The following NKAIN2 variants were observed in gnomAD, a reference collection of about 807,000 sequenced individuals.
NKAIN2 encodes sodium/potassium-transporting ATPase subunit beta-1-interacting protein 2.
Under a neutral mutation model 32.6 loss-of-function variants are expected in NKAIN2, and 14 were observed. The ratio of observed to expected loss-of-function variants is 0.43; its 90% CI spans 0.28 to 0.67. The LOEUF is 0.67. Among genes scored for constraint, NKAIN2 ranks in the 30% least tolerant of loss-of-function variants. NKAIN2 has a pLI of 0.17. For synonymous variants in NKAIN2, 80 were observed against 87.2 expected (o/e 0.92, Z 0.46); for missense variants, 198 against 258.3 (o/e 0.77, Z 1.60).
At chr6:124,112,135 A>G (rs1209880339) in intron 1 of NKAIN2, among the ~76,000 whole-genome samples, 1 of 152,072 alleles carries the variant, frequency 6.6e-6, no homozygotes, top group Admixed American at 6.6e-5. Flanking sequence ...TTGTGTATAT[A>G]TTTACTTTTC....
At chr6:124,189,387 T>G (rs1789904150) in intron 1 of NKAIN2, among the ~76,000 whole-genome samples, 1 of 152,100 alleles carries the variant, frequency 6.6e-6, no homozygotes. Flanking sequence ...GCTAACTGTG[T>G]GATGTGGTTA....
chr6:124,350,686 A>G (rs1223156742), intron 2 of NKAIN2, among the ~76,000 whole-genome samples: 1 of 152,226 alleles, frequency 6.6e-6, no homozygotes, highest in Admixed American at 6.5e-5. Context: ...TATACAATTA[A>G]GTGAAAATAG....
chr6:124,065,213 T>TACAC (rs144681461), intron 1 of NKAIN2, among the ~76,000 whole-genome samples: 1,947 of 147,982 alleles, frequency 0.013, 16 homozygotes, highest in South Asian at 0.019. Flanking sequence ...ATCAGAAAAT[T>TACAC]ACACACACAC....
At chr6:124,056,726 G>A (rs866711782) in intron 1 of NKAIN2, among the ~76,000 whole-genome samples, 1 of 151,968 alleles carries the variant, frequency 6.6e-6, no homozygotes, top group East Asian at 1.9e-4. Flanking sequence ...TTGTGTTACT[G>A]TATATATTTT....
At chr6:124,708,422 T>G (rs2114593476) in intron 4 of NKAIN2, among the ~76,000 whole-genome samples, 1 of 152,070 alleles carries the variant, frequency 6.6e-6, no homozygotes, top group South Asian at 2.1e-4. Flanking sequence ...AATCTGTAAA[T>G]TACCTTGGGC....
intron 1 of NKAIN2, among the ~76,000 whole-genome samples, chr6:124,019,582 T>C (rs1002747207): frequency 5.3e-5 from 8 of 152,206 alleles, no homozygotes; most frequent in Non-Finnish European, 8.8e-5. Context: ...GGTCATCTTT[T>C]TCTGCCATTT....
At chr6:124,011,174 C>T (rs1485002034) in intron 1 of NKAIN2, among the ~76,000 whole-genome samples, 1 of 152,152 alleles carries the variant, frequency 6.6e-6, no homozygotes, top group African/African-American at 2.4e-5. Flanking sequence ...TATTAGTAAA[C>T]TCTTCCTTCT....
At chr6:124,286,672 G>C (rs1008103151) in intron 2 of NKAIN2, among the ~76,000 whole-genome samples, 2 of 101,900 alleles carry the variant, frequency 2.0e-5, no homozygotes, top group African/African-American at 5.7e-5. Context: ...GTGTGTGTGT[G>C]TGCGCGCGCG....
At chr6:123,916,821 C>CTATT (rs534188883) in intron 1 of NKAIN2, among the ~76,000 whole-genome samples, 1,582 of 33,654 alleles carry the variant, frequency 0.047, 14 homozygotes, top group Non-Finnish European at 0.061. Flanking sequence ...ATGTATCTAT[C>CTATT]TATCTATTTA....
At position 123,941,691 on chromosome 6, in the gene NKAIN2, C is replaced by T. The variant is rs372354522; in HGVS notation, c.54+137437C>T. 1.3e-4 allele frequency among the ~76,000 whole-genome samples: 20 copies of T among 152,100 alleles called. No individual in the cohort carries two copies. The East Asian group carries it at 3.7e-3, about 28-fold the overall frequency. On this transcript the variant is annotated intron_variant, in intron 1 of 6. Coordinates refer to ENST00000368417, the MANE Select transcript of NKAIN2 (RefSeq NM_001040214.3). The stretch of plus-strand genomic sequence containing the variant: ...AATTCATCTGCCCTGCTGTTACATG[C>T]ATAGCTTCCAGGAATAGCATTTCCA...
At chr6:124,591,865 TG>T (rs1781925785) in intron 3 of NKAIN2, among the ~76,000 whole-genome samples, 1 of 152,154 alleles carries the variant, frequency 6.6e-6, no homozygotes, top group Non-Finnish European at 1.5e-5. Flanking sequence ...AAGAAAATCT[TG>T]TCCTTAGAGG....
intron 4 of NKAIN2, among the ~76,000 whole-genome samples, chr6:124,666,137 C>G (rs79935678): frequency 6.6e-6 from 1 of 152,270 alleles, no homozygotes; most frequent in Admixed American, 6.5e-5. Flanking sequence ...GTACCAGAAA[C>G]ACAAACCTGC....
intron 3 of NKAIN2, among the ~76,000 whole-genome samples, chr6:124,362,710 C>T (rs1799341368): frequency 6.6e-6 from 1 of 151,824 alleles, no homozygotes; most frequent in Admixed American, 6.6e-5. Flanking sequence ...TTCAAAATGT[C>T]CAAAATGATT....
At chr6:124,469,657 A>G (rs539567338) in intron 3 of NKAIN2, among the ~76,000 whole-genome samples, 30 of 152,112 alleles carry the variant, frequency 2.0e-4, no homozygotes, top group African/African-American at 6.3e-4. Context: ...GAAAATTCAC[A>G]CTCCATCTAA....
chr6:124,215,994 T>G (rs1190407523), intron 1 of NKAIN2, among the ~76,000 whole-genome samples: 1 of 151,788 alleles, frequency 6.6e-6, no homozygotes, highest in Admixed American at 6.6e-5. Flanking sequence ...GACAAGCGCC[T>G]GTAATCCCAG....
At chr6:124,041,083 A>G (rs1413417685) in intron 1 of NKAIN2, among the ~76,000 whole-genome samples, 2 of 152,042 alleles carry the variant, frequency 1.3e-5, no homozygotes, top group Non-Finnish European at 2.9e-5. Flanking sequence ...TGCTTTAATA[A>G]GACCACATTT....
chr6:124,587,345 G>A (rs754975774), intron 3 of NKAIN2, among the ~76,000 whole-genome samples: 9 of 151,916 alleles, frequency 5.9e-5, no homozygotes, highest in Non-Finnish European at 1.2e-4. Flanking sequence ...TTCTCCTCCT[G>A]AGTAGCTGGA....
chr6:124,675,687 T>C (rs547017511), intron 4 of NKAIN2, among the ~76,000 whole-genome samples: 72 of 152,220 alleles, frequency 4.7e-4, no homozygotes, highest in African/African-American at 1.7e-3. Context: ...TCTATCACAT[T>C]CATAATGTCT....
intron 1 of NKAIN2, among the ~76,000 whole-genome samples, chr6:123,824,072 T>A (rs533669853): frequency 3.9e-5 from 6 of 152,164 alleles, no homozygotes; most frequent in Non-Finnish European, 5.9e-5. Context: ...CTAATAGAAT[T>A]TATCTGCATG....
Sources: gnomAD v4.1 joint callset for allele counts (sites outside exome capture counted in the v4.1 genomes callset) on GRCh38, gnomAD v4.1.1 for gene constraint, MANE v1.5 for transcripts, NCBI Gene and HGNC (gene_info 2026-07-23, HGNC 2026-07-21) for gene names.